SLC6A4: variants seen among roughly 807,000 people sequenced by gnomAD.
SLC6A4 encodes solute carrier family 6 member 4, also known as sodium-dependent serotonin transporter.
In SLC6A4, 22 loss-of-function variants were observed where a neutral mutation model predicts 73.4. That is an observed-to-expected ratio of 0.30 (90% CI 0.21 to 0.43). SLC6A4 has a LOEUF of 0.43. Among genes scored for constraint, SLC6A4 ranks in the 20% least tolerant of loss-of-function variants. The pLI, the probability that SLC6A4 is intolerant of heterozygous loss-of-function variation, is 1.00. For synonymous variants in SLC6A4, 270 were observed against 315.5 expected (o/e 0.86, Z 1.53); for missense variants, 593 against 808.5 (o/e 0.73, Z 3.23).
intron 1 of SLC6A4, among the ~76,000 whole-genome samples, chr17:30,224,750 A>T (rs1447652729): frequency 6.6e-6 from 1 of 152,082 alleles, no homozygotes; most frequent in East Asian, 1.9e-4. Context: ...GGGCCAAATG[A>T]TTTGTTCTGG....
Position 30,212,622 on chromosome 17 carries a change from C to T in SLC6A4, c.1204+118G>A. 3.2e-6 allele frequency: 4 copies of T among 1,231,670 alleles called. No homozygotes were observed. In the South Asian group the frequency reaches 5.6e-5, roughly 17 times the overall value. 76.3% of individuals were successfully genotyped at this position (1,231,670 alleles called of 1,614,324 possible). Reference sequence around the variant, plus strand: ...TGGTCTTGAACTCCACCATGCCCAGCCTTCTTTGGAAAATTTCAGGAACAT... The same window carrying T: ...TGGTCTTGAACTCCACCATGCCCAGTCTTCTTTGGAAAATTTCAGGAACAT... On this transcript the variant is annotated intron_variant, in intron 9 of 14. Transcript: ENST00000650711.
chr17:30,209,607 T>C (rs1251232824), intron 11 of SLC6A4, among the ~76,000 whole-genome samples: 1 of 147,918 alleles, frequency 6.8e-6, no homozygotes, highest in African/African-American at 2.5e-5. Context: ...ATAGCACCAT[T>C]GCACTCCAGC....
chr17:30,198,584 C>A, intron 14 of SLC6A4, 54 bp from the exon 15 acceptor site: 3 of 952,720 alleles, frequency 3.1e-6, no homozygotes, highest in Admixed American at 2.0e-5. Flanking sequence ...TTAAAACTTG[C>A]AAAAATAGTC....
intron 13 of SLC6A4, among the ~76,000 whole-genome samples, chr17:30,204,145 A>G (rs1007735594): frequency 2.6e-5 from 4 of 152,232 alleles, no homozygotes; most frequent in African/African-American, 9.7e-5. Context: ...CCAGTTTATG[A>G]GTTTTCTTAT....
intron 12 of SLC6A4, 41 bp from the exon 13 acceptor site, chr17:30,207,873 G>C (rs1214787739): frequency 1.4e-6 from 2 of 1,443,826 alleles, no homozygotes; most frequent in East Asian, 2.3e-5. Flanking sequence ...GACTAAGAAA[G>C]GACATGGGCT....
chr17:30,211,105 G>A lies in SLC6A4; in HGVS notation c.1317+207C>T, dbSNP rs1388640430. Among the ~76,000 whole-genome samples the A allele has an allele frequency of 6.6e-6, 1 of 152,228 alleles. No homozygotes were observed. The highest frequency in any genetic ancestry group is 1.5e-5 in the Non-Finnish European group (1 of 68,040). ...TGAGCCTTGGGCCTCATAAGCGCCT[G>A]GCGCTTGACCCACTTTATCCCATTA... On this transcript the variant is annotated intron_variant, in intron 10 of 14. Coordinates refer to ENST00000650711, the MANE Select transcript of SLC6A4 (RefSeq NM_001045.6). This position sits in a 1 kb window ranked among gnomAD's most constrained non-coding sequence, Gnocchi z 4.0.
intron 13 of SLC6A4, 133 bp from the exon 14 acceptor site, chr17:30,203,472 G>T: frequency 1.3e-6 from 1 of 746,438 alleles, no homozygotes; most frequent in Non-Finnish European, 2.2e-6. Flanking sequence ...GATATATCCT[G>T]GATTGAACTC....
chr17:30,234,049 T>A (rs889240972), intron 1 of SLC6A4, among the ~76,000 whole-genome samples: 3 of 152,068 alleles, frequency 2.0e-5, no homozygotes, highest in Non-Finnish European at 4.4e-5. Flanking sequence ...CTCAGGCACC[T>A]CACCTATTTG....
chr17:30,200,322 C>T (rs1905994323), intron 14 of SLC6A4, among the ~76,000 whole-genome samples: 3 of 152,250 alleles, frequency 2.0e-5, no homozygotes, highest in Admixed American at 2.0e-4. Context: ...CAGGCCCTGC[C>T]TGGCCTTCTG....
intron 1 of SLC6A4, among the ~76,000 whole-genome samples, chr17:30,232,445 G>A (rs1373030279): frequency 6.6e-6 from 1 of 152,218 alleles, no homozygotes; most frequent in Non-Finnish European, 1.5e-5. Flanking sequence ...GAAGACCTGG[G>A]ACATTGCCTC....
In SLC6A4 at chr17:30,211,288, C is replaced by A. The variant is rs2143014307; in HGVS notation, c.1317+24G>T. 7.0e-7 allele frequency: 1 copy of A among 1,424,412 alleles called. No individual in the cohort carries two copies. The highest frequency in any genetic ancestry group is 1.2e-5 in the South Asian group (1 of 86,896). The allele number at this position is 1,424,412 out of a possible 1,614,324, so 88.2% of individuals were successfully genotyped here. On this transcript the variant is annotated intron_variant, in intron 10 of 14. Transcript: ENST00000650711. The surrounding 1 kb of genome is among the most constrained non-coding windows in gnomAD (Gnocchi z 4.0). ...CTTTCCTCTTCATCCTCCCACAGCC[C>A]ATTTCCCCTTCCCATTTCCTCACCG...
intron 3 of SLC6A4, 78 bp downstream of exon 3, chr17:30,221,538 C>G (rs951807970): frequency 3.7e-6 from 5 of 1,343,914 alleles, no homozygotes; most frequent in Non-Finnish European, 4.2e-6. Flanking sequence ...CGGGTCACAG[C>G]CCACCCCGGG....
chr17:30,195,762 T>C lies in SLC6A4; in HGVS notation c.*2694A>G, dbSNP rs201484889. The stretch of plus-strand genomic sequence containing the variant: ...GGGGAAGGGGCAATACTATGGAAAA[T>C]AGAAAAAGAAGACTTAAAGCTTCAG... On this transcript the variant is annotated 3_prime_UTR_variant, in exon 15 of 15. Transcript: ENST00000650711. 2.0e-5 allele frequency: 3 copies of C among 150,996 alleles called. No individual in the cohort carries two copies. Among genetic ancestry groups the C allele is most frequent in the Non-Finnish European group, 4.4e-5 (3 of 67,810 alleles). The allele number at this position is 150,996 out of a possible 1,614,324, so 9.4% of individuals were successfully genotyped here. A position where few individuals can be genotyped will look rare whatever the true frequency, so the allele number is the denominator to read the frequency against.
In SLC6A4 at chr17:30,208,518, T is replaced by G. The variant is rs925653776; in HGVS notation, c.1549+625A>C. ...AGTTCCTAGGGCAGGTCTATGGAGATTCACACACTTGAACTTGGTCGTCTG... is the reference window on the plus strand; with the variant it reads ...AGTTCCTAGGGCAGGTCTATGGAGAGTCACACACTTGAACTTGGTCGTCTG... On this transcript the variant is annotated intron_variant, in intron 12 of 14. Coordinates refer to ENST00000650711, the MANE Select transcript of SLC6A4 (RefSeq NM_001045.6). Among the ~76,000 whole-genome samples the G allele has an allele frequency of 2.6e-4, 39 of 151,800 alleles. 1 individual carries two copies.
chr17:30,225,163 C>T (rs912021623), intron 1 of SLC6A4, among the ~76,000 whole-genome samples: 11 of 152,128 alleles, frequency 7.2e-5, no homozygotes, highest in African/African-American at 2.2e-4. Flanking sequence ...TGAACCCCCA[C>T]CCTCATCATA....
Position 30,197,901 on chromosome 17 carries a change from CTA to C in SLC6A4, c.*553_*554del. ...AGACTCACAAGCTTGCATGGACACACTATTTTTCATTTTAGCTTCTTACATCT... is the reference window on the plus strand; with the variant it reads ...AGACTCACAAGCTTGCATGGACACACTTTTTCATTTTAGCTTCTTACATCT... On this transcript the variant is annotated 3_prime_UTR_variant, in exon 15 of 15. Transcript: ENST00000650711. The C allele has an allele frequency of 6.5e-6, 1 of 153,206 alleles. No individual in the cohort carries two copies. The highest frequency in any genetic ancestry group is 2.1e-4 in the South Asian group (1 of 4,834). 9.5% of individuals were successfully genotyped at this position (153,206 alleles called of 1,614,324 possible).
At chr17:30,213,425 C>T (rs1597638190) in intron 8 of SLC6A4, among the ~76,000 whole-genome samples, 1 of 151,610 alleles carries the variant, frequency 6.6e-6, no homozygotes, top group East Asian at 1.9e-4. Context: ...GCTTCCGCCT[C>T]CCAAGTAGCT....
At chr17:30,200,211 G>T (rs912348609) in intron 14 of SLC6A4, among the ~76,000 whole-genome samples, 1 of 152,202 alleles carries the variant, frequency 6.6e-6, no homozygotes, top group Non-Finnish European at 1.5e-5. Context: ...ATGGGCTGCT[G>T]CCCTGTTGGT....
At chr17:30,217,500 C>G (rs763595213) in intron 5 of SLC6A4, among the ~76,000 whole-genome samples, 196 bp from the exon 6 acceptor site, 24 of 152,218 alleles carry the variant, frequency 1.6e-4, no homozygotes, top group Non-Finnish European at 1.3e-4. Flanking sequence ...GGCCAACACC[C>G]TGGGAAGAGT....
Sources: gnomAD v4.1 joint callset for allele counts (sites outside exome capture counted in the v4.1 genomes callset) on GRCh38, gnomAD v4.1.1 for gene constraint, Gnocchi (gnomAD v3.1) non-coding constraint, MANE v1.5 for transcripts, NCBI Gene and HGNC (gene_info 2026-07-23, HGNC 2026-07-21) for gene names.